Variants in GRK7 observed in about 807,000 individuals in gnomAD.
The protein encoded by GRK7 is rhodopsin kinase GRK7.
In GRK7, 24 loss-of-function variants were observed where a neutral mutation model predicts 34.1. The observed-to-expected ratio is 0.70, with a 90% CI of 0.51 to 0.99. The LOEUF is 0.99. Among genes scored for constraint, GRK7 ranks in the 50% least tolerant of loss-of-function variants. GRK7 has a pLI of 0.00. For missense variants in GRK7, 644 were observed against 707.3 expected (o/e 0.91, Z 1.02); for synonymous variants, 256 against 279.4 (o/e 0.92, Z 0.84).
intron 4 of GRK7, among the ~76,000 whole-genome samples, chr3:141,802,312 C>T (rs557304901): frequency 6.6e-6 from 1 of 151,940 alleles, no homozygotes; most frequent in African/African-American, 2.4e-5. Flanking sequence ...ACGATTGAAC[C>T]ACTGCACTTC....
intron 1 of GRK7, among the ~76,000 whole-genome samples, 162 bp downstream of exon 1, chr3:141,765,900 A>G (rs1260852467): frequency 1.3e-5 from 2 of 152,184 alleles, no homozygotes; most frequent in Admixed American, 6.5e-5. Flanking sequence ...TTTATACATC[A>G]AAGTCTTCAC....
intron 4 of GRK7, among the ~76,000 whole-genome samples, chr3:141,784,376 C>G (rs1228923602): frequency 2.0e-5 from 3 of 152,184 alleles, no homozygotes; most frequent in African/African-American, 7.2e-5. Context: ...TTGCCTCATC[C>G]AAGAAGTTTT....
intron 5 of GRK7, among the ~76,000 whole-genome samples, chr3:141,811,162 C>T (rs1711088799): frequency 6.6e-6 from 1 of 151,766 alleles, no homozygotes; most frequent in African/African-American, 2.4e-5. Flanking sequence ...TAAAAAAATA[C>T]AAAATATTAG....
rs144819072 is a variant in GRK7 at position 141,789,296 on chromosome 3, GTC to G, written c.1050+8489_1050+8490del. On this transcript the variant is annotated intron_variant, in intron 4 of 5. Transcript: ENST00000682958. ...AGGTGTCTGAGCAGTGTCCCTGGGA[GTC>G]TCTGTCTCTGTTTCCCAGCTTCGCT... Among the ~76,000 whole-genome samples the G allele has an allele frequency of 4.9e-3, 751 of 152,280 alleles. 2 individuals are homozygous for G. Among genetic ancestry groups the G allele is most frequent in the African/African-American group, 0.018 (729 of 41,558 alleles).
In GRK7 at chr3:141,811,934, A is replaced by G. The variant is rs140125075; in HGVS notation, c.1325+4015A>G. Reference sequence around the variant, plus strand: ...TTCTGAGCATCTCCAGGGGCTCCAGATGGGATCAACTACAGGGTCTTCCAA... The same window carrying G: ...TTCTGAGCATCTCCAGGGGCTCCAGGTGGGATCAACTACAGGGTCTTCCAA... On this transcript the variant is annotated intron_variant, in intron 5 of 5. Transcript: ENST00000682958. 5.9e-5 allele frequency among the ~76,000 whole-genome samples: 9 copies of G among 152,274 alleles called. No individual in the cohort carries two copies. In the East Asian group the frequency reaches 1.7e-3, roughly 30 times the overall value.
At chr3:141,804,984 T>TCG (rs1463176361) in intron 4 of GRK7, among the ~76,000 whole-genome samples, 1 of 144,292 alleles carries the variant, frequency 6.9e-6, no homozygotes, top group Non-Finnish European at 1.5e-5. Context: ...ACACACCCAC[T>TCG]CGCACACACA....
At chr3:141,753,379 T>A in the GRK7 span, among the ~76,000 whole-genome samples, 1 of 152,232 alleles carries the variant, frequency 6.6e-6, no homozygotes, top group Non-Finnish European at 1.5e-5. Flanking sequence ...TTCCCCAATT[T>A]TTTTGGCACC....
rs2084656745 is a variant in GRK7, at chr3:141,778,931, A to G, written c.612+35A>G. ...TCCCAGTAGCCAGGCTAGAAGGTGA[A>G]GCATAGAGCATGAAAGGGGGTAATG... On this transcript the variant is annotated intron_variant, in intron 3 of 5. Coordinates refer to ENST00000682958, the MANE Select transcript of GRK7 (RefSeq NM_139209.3). This position sits in a 1 kb window ranked among gnomAD's most constrained non-coding sequence, Gnocchi z 4.1. 9 of 1,560,924 alleles carry G rather than the reference A, an allele frequency of 5.8e-6. No individual in the cohort carries two copies. The highest frequency in any genetic ancestry group is 4.1e-5 in the African/African-American group (3 of 72,774).
rs143277568 is a variant in GRK7, at chr3:141,778,828, G to A, written c.544G>A (p.Glu182Lys). ...YDKFLQWKLF[E>K]MQPVSDKYFT... The stretch of plus-strand genomic sequence containing the variant: ...CAAGTTTCTGCAGTGGAAACTCTTC[G>A]AGATGCAACCAGTGTCAGACAAGTA... Residue 182 changes from glutamate to lysine, a missense_variant, in exon 3 of 6, where the codon GAG becomes AAG. Transcript: ENST00000682958. This position sits in a 1 kb window ranked among gnomAD's most constrained non-coding sequence, Gnocchi z 4.1. 5 of 1,612,276 alleles carry A rather than the reference G, an allele frequency of 3.1e-6. No homozygotes were observed. Among genetic ancestry groups the A allele is most frequent in the Middle Eastern group, 1.7e-4 (1 of 6,052 alleles).
In GRK7 at chr3:141,780,800, A is replaced by C. The variant is rs1453573792; in HGVS notation, c.1039A>C (p.Ile347Leu). 6.2e-7 allele frequency: 1 copy of C among 1,613,128 alleles called. No homozygotes were observed. The highest frequency in any genetic ancestry group is 8.5e-7 in the Non-Finnish European group (1 of 1,179,520). Reference protein sequence around the residue: ...LAVEMKGGKPITQRAGTNGYM... With the variant: ...LAVEMKGGKPLTQRAGTNGYM... ...CGTGGAGATGAAGGGTGGCAAGCCC[A>C]TCACCCAGAGGGTGAGTGACTCTCC... Residue 347 changes from isoleucine (I) to leucine (L), a missense_variant, in exon 4 of 6, where the codon ATC (isoleucine) becomes CTC (leucine). Coordinates refer to ENST00000682958, the MANE Select transcript of GRK7 (RefSeq NM_139209.3).
In GRK7 at chr3:141,771,114, A is replaced by G. The variant is rs113961267; in HGVS notation, c.-214-3466A>G. Reference sequence around the variant, plus strand: ...TTATATTAAAAAGATAACTGCACACATATGTTTATCACAGCACTATTCACA... The same window carrying G: ...TTATATTAAAAAGATAACTGCACACGTATGTTTATCACAGCACTATTCACA... On this transcript the variant is annotated intron_variant, in intron 1 of 5. Transcript: ENST00000682958. Among the ~76,000 whole-genome samples the G allele has an allele frequency of 3.7e-3, 559 of 152,316 alleles. 2 individuals are homozygous for G. Among genetic ancestry groups the G allele is most frequent in the African/African-American group, 0.013 (539 of 41,574 alleles).
chr3:141,810,081 C>T (rs1397602372), intron 5 of GRK7, among the ~76,000 whole-genome samples: 2 of 152,138 alleles, frequency 1.3e-5, no homozygotes, highest in African/African-American at 4.8e-5. Context: ...TGTGGATAGG[C>T]CTGATCCAAT....
rs757594701 is a variant in GRK7, at chr3:141,780,416, T to C, written c.655T>C (p.Cys219Arg). 9 of 1,614,212 alleles carry C rather than the reference T, an allele frequency of 5.6e-6. No individual in the cohort carries two copies. The highest frequency in any genetic ancestry group is 7.6e-6 in the Non-Finnish European group (9 of 1,180,044). ...GAAAAACACTGGGAAGATGTATGCC[T>C]GTAAGAAACTGGACAAGAAGCGGCT... ...QVKNTGKMYA[C>R]KKLDKKRLKK... The change falls in exon 4 of 6, where the codon TGT (cysteine) becomes CGT (arginine). Residue 219 changes from cysteine to arginine, a missense_variant. Transcript: ENST00000682958.
chr3:141,776,007 A>G (rs61294533), intron 2 of GRK7, among the ~76,000 whole-genome samples: 9,867 of 152,186 alleles, frequency 0.065, 347 homozygotes, highest in South Asian at 0.11. Flanking sequence ...GATATCGGCC[A>G]GGCACGGTGG....
chr3:141,807,545 A>G (rs539390614), intron 4 of GRK7, 100 bp from the exon 5 acceptor site: 1 of 1,049,192 alleles, frequency 9.5e-7, no homozygotes, highest in East Asian at 2.4e-5. Flanking sequence ...CAAGGGAAGA[A>G]AAGGAGAATG....
upstream of GRK7, among the ~76,000 whole-genome samples, chr3:141,762,215 T>C (rs537087946): frequency 2.0e-4 from 31 of 152,054 alleles, no homozygotes; most frequent in African/African-American, 7.5e-4. Flanking sequence ...TTTCCAGTTT[T>C]TCTGTTCTGT....
In GRK7 at chr3:141,764,457, C is replaced by T. The variant is rs77435658; in HGVS notation, c.-1496C>T. On this transcript the variant is annotated 5_prime_UTR_variant, in exon 1 of 6. Transcript: ENST00000682958. ...CAATTCTCAGTCCTTATCCCACTGACCTCTCAGCAGCATTTGCCGTAGTAA... is the reference window on the plus strand; with the variant it reads ...CAATTCTCAGTCCTTATCCCACTGATCTCTCAGCAGCATTTGCCGTAGTAA... Among the ~76,000 whole-genome samples the T allele has an allele frequency of 0.025, 3,865 of 152,226 alleles. 170 individuals carry two copies. Among genetic ancestry groups the T allele is most frequent in the African/African-American group, 0.088 (3,646 of 41,502 alleles).
intron 1 of GRK7, among the ~76,000 whole-genome samples, chr3:141,766,684 A>G (rs1225072180): frequency 3.3e-5 from 5 of 152,246 alleles, no homozygotes; most frequent in Non-Finnish European, 1.5e-5. Context: ...CTTTTTTTCA[A>G]ATAATTCCCA....
chr3:141,757,137 T>TTTC, the GRK7 span, among the ~76,000 whole-genome samples: 5,764 of 125,166 alleles, frequency 0.046, 96 homozygotes, highest in African/African-American at 0.09. Flanking sequence ...TTCTTTTTTT[T>TTTC]TTTTTTTTTC....
Sources: gnomAD v4.1 joint callset for allele counts (sites outside exome capture counted in the v4.1 genomes callset) on GRCh38, gnomAD v4.1.1 for gene constraint, Gnocchi (gnomAD v3.1) non-coding constraint, MANE v1.5 for transcripts, NCBI Gene and HGNC (gene_info 2026-07-23, HGNC 2026-07-21) for gene names.